The following HOXD12 variants were observed in gnomAD, a reference collection of about 807,000 sequenced individuals.
HOXD12 encodes homeobox D12.
In HOXD12, 21 loss-of-function variants were observed where a neutral mutation model predicts 20.2. The ratio of observed to expected loss-of-function variants is 1.04; its 90% CI spans 0.74 to 1.50. HOXD12 has a LOEUF of 1.50. Ranked by LOEUF, HOXD12 falls within the 40% of genes most tolerant of loss-of-function variation. HOXD12 has a pLI of 0.00. For missense variants in HOXD12, 472 were observed against 365.5 expected (o/e 1.29, Z -2.38); for synonymous variants, 196 against 168.8 (o/e 1.16, Z -1.25).
At chr2:176,100,468 CG>C in intron 1 of HOXD12, 53 bp from the exon 2 acceptor site, 2 of 1,585,134 alleles carry the variant, frequency 1.3e-6, no homozygotes, top group African/African-American at 1.3e-5. Flanking sequence ...CGCCTGGGGG[CG>C]GGCAATAGAC....
chr2:176,099,838 G>A lies in HOXD12; in HGVS notation c.37G>A (p.Gly13Ser). 1 of 1,550,556 alleles carries A rather than the reference G, an allele frequency of 6.4e-7. No homozygotes were observed. ...CAGTCTCTACAGAGCGGGCTATGTG[G>A]GCTCGCTTCTGAATCTGCAGTCGCC... ...ERSLYRAGYV[G>S]SLLNLQSPDS... The change falls in exon 1 of 2, where the codon GGC becomes AGC. Residue 13 changes from glycine (G) to serine (S), a missense_variant. Physicochemically the swap from Gly to Ser is moderately conservative, Grantham distance 56. Transcript: ENST00000406506.
In HOXD12 at chr2:176,101,680, T is replaced by C. The variant is rs1330781706; in HGVS notation, c.*920T>C. On this transcript the variant is annotated 3_prime_UTR_variant, in exon 2 of 2. Transcript: ENST00000406506. ...TGTTGCACAGGGAGAGGGAAAAATA[T>C]CCAGGGGAGGAGAAGGGAGTGAATA... Among the ~76,000 whole-genome samples the C allele has an allele frequency of 6.6e-6, 1 of 152,108 alleles. No individual in the cohort carries two copies. The highest frequency in any genetic ancestry group is 1.5e-5 in the Non-Finnish European group (1 of 68,016).
In HOXD12 at chr2:176,100,234, G is replaced by A. The variant is rs372364913; in HGVS notation, c.433G>A (p.Ala145Thr). ...AKYDYAGVGR[A>T]TPGSTTLLQG... ...GTATGACTACGCTGGTGTGGGTCGT[G>A]CCACGCCGGGCTCCACGACCCTGCT... The change falls in exon 1 of 2, where the codon GCC (alanine) becomes ACC (threonine). Residue 145 changes from alanine to threonine, a missense_variant. Coordinates refer to ENST00000406506, the MANE Select transcript of HOXD12 (RefSeq NM_021193.4). 2.2e-5 allele frequency: 35 copies of A among 1,612,214 alleles called. No homozygotes were observed. In the African/African-American group the frequency reaches 4.1e-4, roughly 19 times the overall value.
Position 176,100,412 on chromosome 2 carries a change from C to T in HOXD12, c.574+37C>T, listed in dbSNP as rs983122574. ...CCATGCTCCCCGGGCCGGTTTGGGC[C>T]GGGATGGGAGGTGGGGTTCAAGGGA... is the stretch of plus-strand genomic sequence containing the variant. On this transcript the variant is annotated intron_variant, in intron 1 of 1. Transcript: ENST00000406506. 3.7e-6 allele frequency: 6 copies of T among 1,608,586 alleles called. No individual in the cohort carries two copies. In the East Asian group the frequency reaches 1.1e-4, roughly 30 times the overall value.
chr2:176,099,887 T>A lies in HOXD12; in HGVS notation c.86T>A (p.Leu29Gln), dbSNP rs775920159. 35 of 1,594,462 alleles carry A rather than the reference T, an allele frequency of 2.2e-5. No individual in the cohort carries two copies. The highest frequency in any genetic ancestry group is 2.9e-5 in the Non-Finnish European group (34 of 1,173,044). The change falls in exon 1 of 2, where the codon CTG becomes CAG. Residue 29 changes from leucine to glutamine, a missense_variant. Leu to Gln is a moderately radical substitution (Grantham distance 113, BLOSUM62 -2). Transcript: ENST00000406506. ...CCAGACTCTTTCTACTTCTCCAACCTGAGGCCGAATGGCGGCCAGTTGGCC... is the reference window on the plus strand; with the variant it reads ...CCAGACTCTTTCTACTTCTCCAACCAGAGGCCGAATGGCGGCCAGTTGGCC... ...QSPDSFYFSN[L>Q]RPNGGQLAAL...
At position 176,100,961 on chromosome 2, in the gene HOXD12, G is replaced by C. The variant is rs1689486636; in HGVS notation, c.*201G>C. On this transcript the variant is annotated 3_prime_UTR_variant, in exon 2 of 2. Coordinates refer to ENST00000406506, the MANE Select transcript of HOXD12 (RefSeq NM_021193.4). ...CCTGAGAAGCCCGTGAGAAACGTGC[G>C]GAAGTACCAGTGCAACTCTGGCTGG... is the stretch of plus-strand genomic sequence containing the variant. 2 of 601,148 alleles carry C rather than the reference G, an allele frequency of 3.3e-6. No individual in the cohort carries two copies. Among genetic ancestry groups the C allele is most frequent in the African/African-American group, 3.7e-5 (2 of 53,860 alleles). 37.2% of individuals were successfully genotyped at this position (601,148 alleles called of 1,614,324 possible).
Position 176,100,083 on chromosome 2 carries a change from C to A in HOXD12, c.282C>A (p.Pro94=). The change falls in exon 1 of 2, where the codon CCC becomes CCA. Residue 94 remains proline, a synonymous_variant. Coordinates refer to ENST00000406506, the MANE Select transcript of HOXD12 (RefSeq NM_021193.4). ...GLQPPTAKDG[P]EEQAKFYAPE... Reference sequence around the variant, plus strand: ...AGCCCCCAACAGCCAAAGACGGACCCGAAGAGCAGGCTAAGTTCTATGCGC... The same window carrying A: ...AGCCCCCAACAGCCAAAGACGGACCAGAAGAGCAGGCTAAGTTCTATGCGC... 1 of 1,601,494 alleles carries A rather than the reference C, an allele frequency of 6.2e-7. No individual in the cohort carries two copies. The highest frequency in any genetic ancestry group is 2.3e-5 in the East Asian group (1 of 44,410).
rs577079710 is a variant in HOXD12 at position 176,100,118 on chromosome 2, C to T, written c.317C>T (p.Ala106Val). The T allele has an allele frequency of 1.7e-4, 274 of 1,609,686 alleles. 1 individual carries two copies. The South Asian group carries it at 2.8e-3, about 17-fold the overall frequency. ...GCTAAGTTCTATGCGCCCGAAGCGGCCGCTGGGCCAGAGGAGCGCGGTCGT... is the reference window on the plus strand; with the variant it reads ...GCTAAGTTCTATGCGCCCGAAGCGGTCGCTGGGCCAGAGGAGCGCGGTCGT... ...EQAKFYAPEA[A>V]AGPEERGRTR... Residue 106 changes from alanine (A) to valine (V), a missense_variant, in exon 1 of 2, where the codon GCC (alanine) becomes GTC (valine). Transcript: ENST00000406506.
At position 176,100,160 on chromosome 2, in the gene HOXD12, C is replaced by T. The variant is rs1263759478; in HGVS notation, c.359C>T (p.Ala120Val). 2.5e-6 allele frequency: 4 copies of T among 1,612,022 alleles called. No homozygotes were observed. Among genetic ancestry groups the T allele is most frequent in the Admixed American group, 1.7e-5 (1 of 59,960 alleles). The change falls in exon 1 of 2, where the codon GCC becomes GTC. Residue 120 changes from alanine (A) to valine (V), a missense_variant. By Grantham distance (64) the Ala-to-Val change is moderately conservative. Coordinates refer to ENST00000406506, the MANE Select transcript of HOXD12 (RefSeq NM_021193.4). ...EERGRTRPSF[A>V]PESSLAPAVA... The stretch of plus-strand genomic sequence containing the variant: ...CGCGGTCGTACCCGGCCGTCCTTCG[C>T]CCCCGAGTCTAGCCTGGCTCCTGCA...
chr2:176,100,410 G>A lies in HOXD12; in HGVS notation c.574+35G>A, dbSNP rs763994663. 4 of 1,608,098 alleles carry A rather than the reference G, an allele frequency of 2.5e-6. No homozygotes were observed. In the South Asian group the frequency reaches 4.4e-5, roughly 18 times the overall value. On this transcript the variant is annotated intron_variant, in intron 1 of 1. Coordinates refer to ENST00000406506, the MANE Select transcript of HOXD12 (RefSeq NM_021193.4). ...GCCCATGCTCCCCGGGCCGGTTTGG[G>A]CCGGGATGGGAGGTGGGGTTCAAGG...
chr2:176,100,201 G>A lies in HOXD12; in HGVS notation c.400G>A (p.Ala134Thr), dbSNP rs376577026. The A allele has an allele frequency of 4.0e-5, 64 of 1,612,234 alleles. No individual in the cohort carries two copies. The African/African-American group carries it at 6.0e-4, about 15-fold the overall frequency. The part of the protein sequence containing the change: ...SLAPAVAALK[A>T]AKYDYAGVGR... ...GGCTCCTGCAGTGGCTGCTCTCAAAGCGGCCAAGTATGACTACGCTGGTGT... is the reference window on the plus strand; with the variant it reads ...GGCTCCTGCAGTGGCTGCTCTCAAAACGGCCAAGTATGACTACGCTGGTGT... Residue 134 changes from alanine (A) to threonine (T), a missense_variant, in exon 1 of 2, where the codon GCG becomes ACG. Transcript: ENST00000406506.
rs1689505208 is a variant in HOXD12 at position 176,102,030 on chromosome 2, A to C, written c.*1270A>C. On this transcript the variant is annotated 3_prime_UTR_variant, in exon 2 of 2. Coordinates refer to ENST00000406506, the MANE Select transcript of HOXD12 (RefSeq NM_021193.4). ...AGACTTTAAGGCCCTGGGCCCTGCC[A>C]GGCTTGCCTCATGGAGGCAGGGGTT... is the stretch of plus-strand genomic sequence containing the variant. Among the ~76,000 whole-genome samples, 1 of 152,210 alleles carries C rather than the reference A, an allele frequency of 6.6e-6. No homozygotes were observed. Among genetic ancestry groups the C allele is most frequent in the South Asian group, 2.1e-4 (1 of 4,826 alleles).
rs777920895 is a variant in HOXD12, at chr2:176,100,213, G to C, written c.412G>C (p.Asp138His). ...GGCTGCTCTCAAAGCGGCCAAGTATGACTACGCTGGTGTGGGTCGTGCCAC... is the reference window on the plus strand; with the variant it reads ...GGCTGCTCTCAAAGCGGCCAAGTATCACTACGCTGGTGTGGGTCGTGCCAC... ...AVAALKAAKY[D>H]YAGVGRATPG... is the part of the protein sequence containing the mutation. Residue 138 changes from aspartate to histidine, a missense_variant, in exon 1 of 2, where the codon GAC becomes CAC. Transcript: ENST00000406506. 2 of 1,612,308 alleles carry C rather than the reference G, an allele frequency of 1.2e-6. No homozygotes were observed. The highest frequency in any genetic ancestry group is 1.7e-6 in the Non-Finnish European group (2 of 1,179,788).
chr2:176,099,948 G>T lies in HOXD12; in HGVS notation c.147G>T (p.Leu49=), dbSNP rs751922947. The T allele has an allele frequency of 6.2e-7, 1 of 1,600,630 alleles. No individual in the cohort carries two copies. Among genetic ancestry groups the T allele is most frequent in the Non-Finnish European group, 8.5e-7 (1 of 1,175,078 alleles). ...LPPISYPRGA[L]PWAATPASCA... ...CTATCTCCTACCCGCGCGGCGCGCTGCCCTGGGCCGCCACGCCCGCCTCCT... is the reference window on the plus strand; with the variant it reads ...CTATCTCCTACCCGCGCGGCGCGCTTCCCTGGGCCGCCACGCCCGCCTCCT... The change falls in exon 1 of 2, where the codon CTG becomes CTT. Residue 49 remains leucine, a synonymous_variant. Transcript: ENST00000406506.
At position 176,102,428 on chromosome 2, in the gene HOXD12, A is replaced by G. The variant is rs1440861337; in HGVS notation, c.*1668A>G. Among the ~76,000 whole-genome samples the G allele has an allele frequency of 2.0e-5, 3 of 152,234 alleles. No homozygotes were observed. The highest frequency in any genetic ancestry group is 2.1e-4 in the South Asian group (1 of 4,828). ...GATTTTGTCAAAAACAGTAGCTTGTATATATCAGACACAATATATACAAAT... is the reference window on the plus strand; with the variant it reads ...GATTTTGTCAAAAACAGTAGCTTGTGTATATCAGACACAATATATACAAAT... On this transcript the variant is annotated 3_prime_UTR_variant, in exon 2 of 2. Coordinates refer to ENST00000406506, the MANE Select transcript of HOXD12 (RefSeq NM_021193.4).
rs563199651 is a variant in HOXD12, at chr2:176,100,768, C to T, written c.*8C>T. The T allele has an allele frequency of 6.3e-7, 1 of 1,597,874 alleles. No homozygotes were observed. The highest frequency in any genetic ancestry group is 1.7e-5 in the Admixed American group (1 of 59,552). Reference sequence around the variant, plus strand: ...GCGCTGGCGCTCTACTAGCCGCGCGCGTGGCCAGGGCCGGGTTGGATCTGC... The same window carrying T: ...GCGCTGGCGCTCTACTAGCCGCGCGTGTGGCCAGGGCCGGGTTGGATCTGC... On this transcript the variant is annotated 3_prime_UTR_variant, in exon 2 of 2. Coordinates refer to ENST00000406506, the MANE Select transcript of HOXD12 (RefSeq NM_021193.4).
Position 176,099,902 on chromosome 2 carries a change from G to T in HOXD12, c.101G>T (p.Gly34Val). ...TTCTCCAACCTGAGGCCGAATGGCGGCCAGTTGGCCGCGCTTCCCCCTATC... is the reference window on the plus strand; with the variant it reads ...TTCTCCAACCTGAGGCCGAATGGCGTCCAGTTGGCCGCGCTTCCCCCTATC... ...FYFSNLRPNG[G>V]QLAALPPISY... The change falls in exon 1 of 2, where the codon GGC becomes GTC. Residue 34 changes from glycine (G) to valine (V), a missense_variant. Coordinates refer to ENST00000406506, the MANE Select transcript of HOXD12 (RefSeq NM_021193.4). 6.3e-7 allele frequency: 1 copy of T among 1,594,450 alleles called. No individual in the cohort carries two copies. The highest frequency in any genetic ancestry group is 8.5e-7 in the Non-Finnish European group (1 of 1,173,122).
rs946324882 is a variant in HOXD12, at chr2:176,102,099, C to G, written c.*1339C>G. ...TTGTTCTGGGTGTACTGGAGTGTCC[C>G]GCCTTAATCTCAGTGAACCAAGCCT... On this transcript the variant is annotated 3_prime_UTR_variant, in exon 2 of 2. Transcript: ENST00000406506. Among the ~76,000 whole-genome samples the G allele has an allele frequency of 6.6e-6, 1 of 152,188 alleles. No homozygotes were observed. Among genetic ancestry groups the G allele is most frequent in the Non-Finnish European group, 1.5e-5 (1 of 68,042 alleles).
At position 176,099,807 on chromosome 2, in the gene HOXD12, T is replaced by C; in HGVS notation, c.6T>C (p.Cys2=). Residue 2 remains cysteine (C), a synonymous_variant, in exon 1 of 2, where the codon TGT becomes TGC. Transcript: ENST00000406506. ...GCCGAAGCCCTTTGTTGGAGATGTG[T>C]GAGCGCAGTCTCTACAGAGCGGGCT... is the stretch of plus-strand genomic sequence containing the variant. M[C]ERSLYRAGYV... 6.8e-7 allele frequency: 1 copy of C among 1,480,178 alleles called. No homozygotes were observed. Among genetic ancestry groups the C allele is most frequent in the South Asian group, 1.4e-5 (1 of 70,794 alleles). 91.7% of individuals were successfully genotyped at this position (1,480,178 alleles called of 1,614,324 possible). A position where few individuals can be genotyped will look rare whatever the true frequency, so the allele number is the denominator to read the frequency against.
Sources: gnomAD v4.1 joint callset for allele counts (sites outside exome capture counted in the v4.1 genomes callset) on GRCh38, gnomAD v4.1.1 for gene constraint, MANE v1.5 for transcripts, NCBI Gene and HGNC (gene_info 2026-07-23, HGNC 2026-07-21) for gene names.